Variants in ZNF385D observed in about 807,000 individuals in gnomAD.
The protein encoded by ZNF385D is zinc finger protein 385D.
Under a neutral mutation model 35.8 loss-of-function variants are expected in ZNF385D, and 15 were observed. The observed-to-expected ratio is 0.42, with a 90% CI of 0.28 to 0.64. The LOEUF (loss-of-function observed/expected upper bound fraction) is 0.64, where lower values mean the gene tolerates loss of function less well. Among genes scored for constraint, ZNF385D ranks in the 30% least tolerant of loss-of-function variants. The pLI is 0.23. For missense variants in ZNF385D, 474 were observed against 494.6 expected (o/e 0.96, Z 0.39); for synonymous variants, 212 against 186.8 (o/e 1.13, Z -1.10).
chr3:21,997,825 C>T (rs1156857709), intron 3 of ZNF385D, among the ~76,000 whole-genome samples: 1 of 151,256 alleles, frequency 6.6e-6, no homozygotes, highest in African/African-American at 2.4e-5. Context: ...GAATCTGAAT[C>T]TGGTGGGGTT....
chr3:21,870,600 C>G (rs1473561727), intron 3 of ZNF385D, among the ~76,000 whole-genome samples: 1 of 152,132 alleles, frequency 6.6e-6, no homozygotes, highest in Non-Finnish European at 1.5e-5. Context: ...TGTATGGTAT[C>G]TTAATTTCTA....
intron 3 of ZNF385D, among the ~76,000 whole-genome samples, chr3:21,846,042 A>G (rs1342902515): frequency 1.3e-5 from 2 of 151,994 alleles, no homozygotes; most frequent in Admixed American, 6.6e-5. Context: ...CATACAGAAA[A>G]CATTTCTTCC....
chr3:21,741,224 C>T (rs1370773373), intron 1 of ZNF385D, among the ~76,000 whole-genome samples: 1 of 152,130 alleles, frequency 6.6e-6, no homozygotes, highest in Admixed American at 6.6e-5. Context: ...AGTATTTGTA[C>T]TTATTGATTT....
At chr3:21,590,569 G>A (rs908055815) in intron 2 of ZNF385D, among the ~76,000 whole-genome samples, 3 of 151,982 alleles carry the variant, frequency 2.0e-5, no homozygotes, top group African/African-American at 7.2e-5. Context: ...GAATTACATT[G>A]TTTTTATCTG....
At chr3:22,104,188 C>A (rs182460066) in intron 3 of ZNF385D, among the ~76,000 whole-genome samples, 187 of 152,210 alleles carry the variant, frequency 1.2e-3, no homozygotes, top group African/African-American at 4.3e-3. Flanking sequence ...GCCATTACCT[C>A]CATGATGGAT....
At chr3:21,463,657 G>A (rs1703325876) in intron 4 of ZNF385D, among the ~76,000 whole-genome samples, 1 of 152,018 alleles carries the variant, frequency 6.6e-6, no homozygotes, top group Admixed American at 6.6e-5. Flanking sequence ...CTTGTCCGCT[G>A]ATGCCTACAG....
chr3:21,867,989 A>G (rs1260625325), intron 3 of ZNF385D, among the ~76,000 whole-genome samples: 1 of 152,184 alleles, frequency 6.6e-6, no homozygotes, highest in African/African-American at 2.4e-5. Flanking sequence ...TTAAACAAGA[A>G]ACTGAACCTA....
At chr3:21,590,264 A>G (rs970537265) in intron 2 of ZNF385D, among the ~76,000 whole-genome samples, 1 of 152,190 alleles carries the variant, frequency 6.6e-6, no homozygotes, top group East Asian at 1.9e-4. Flanking sequence ...ATGTTTATGT[A>G]TATGCTATGC....
intron 3 of ZNF385D, among the ~76,000 whole-genome samples, chr3:21,951,135 G>T (rs934649870): frequency 4.6e-5 from 7 of 151,692 alleles, no homozygotes; most frequent in Non-Finnish European, 8.8e-5. Flanking sequence ...ATTACTTTGG[G>T]CAGTATGGCC....
chr3:22,249,461 G>A (rs569402614), intron 2 of ZNF385D, among the ~76,000 whole-genome samples: 66 of 152,140 alleles, frequency 4.3e-4, no homozygotes, highest in Middle Eastern at 6.8e-3. Flanking sequence ...AACCTCCAGC[G>A]TATTCTCCCT....
chr3:21,555,213 TAG>T (rs2062690568), intron 3 of ZNF385D, among the ~76,000 whole-genome samples: 1 of 145,586 alleles, frequency 6.9e-6, no homozygotes, highest in Non-Finnish European at 1.5e-5. Context: ...CAGGCAATTG[TAG>T]TTTTTTTTTT....
intron 3 of ZNF385D, among the ~76,000 whole-genome samples, chr3:21,891,051 C>A (rs949502523): frequency 2.6e-5 from 4 of 152,104 alleles, no homozygotes; most frequent in African/African-American, 7.2e-5. Flanking sequence ...AATAGTTGTA[C>A]AGCAAATTTA....
intron 3 of ZNF385D, among the ~76,000 whole-genome samples, chr3:21,980,725 A>G (rs1004764715): frequency 6.6e-6 from 1 of 151,976 alleles, no homozygotes; most frequent in Non-Finnish European, 1.5e-5. Flanking sequence ...CTTTCTTCCA[A>G]CCTCAACCAG....
At chr3:21,700,818 A>G (rs1466641118) in intron 1 of ZNF385D, among the ~76,000 whole-genome samples, 2 of 152,242 alleles carry the variant, frequency 1.3e-5, no homozygotes, top group African/African-American at 4.8e-5. Flanking sequence ...ATGTACAGGT[A>G]AGACATCCAA....
At chr3:21,611,966 G>T (rs1266312217) in intron 2 of ZNF385D, among the ~76,000 whole-genome samples, 1 of 152,150 alleles carries the variant, frequency 6.6e-6, no homozygotes, top group African/African-American at 2.4e-5. Flanking sequence ...AAAAATGGAT[G>T]CAAAACTGAA....
rs373105142 is a variant in ZNF385D at position 21,684,365 on chromosome 3, CCTCTCTCTCTCTCTCTCT to C, written c.23-19355_23-19338del. Among the ~76,000 whole-genome samples, 17 of 73,380 alleles carry C rather than the reference CCTCTCTCTCTCTCTCTCT, an allele frequency of 2.3e-4. No homozygotes were observed. In the East Asian group the frequency reaches 2.6e-3, roughly 11 times the overall value. The allele number at this position is 73,380 out of a possible 152,430, so 48.1% of individuals were successfully genotyped here. A position where few individuals can be genotyped will look rare whatever the true frequency, so the allele number is the denominator to read the frequency against. On this transcript the variant is annotated intron_variant, in intron 1 of 7. Transcript: ENST00000281523. The stretch of plus-strand genomic sequence containing the variant: ...AAAGCCATAAATGGTTAACTGTTCT[CCTCTCTCTCTCTCTCTCT>C]CTCTCTCTCTCTCTCTCTCTCCTCT...
chr3:22,210,937 T>A (rs952948100), intron 2 of ZNF385D, among the ~76,000 whole-genome samples: 7 of 151,944 alleles, frequency 4.6e-5, no homozygotes, highest in Admixed American at 1.3e-4. Flanking sequence ...CATAATATAC[T>A]CACATGAGTG....
intron 3 of ZNF385D, among the ~76,000 whole-genome samples, chr3:21,980,041 G>A (rs1694339346): frequency 1.3e-5 from 2 of 152,150 alleles, no homozygotes; most frequent in African/African-American, 4.8e-5. Flanking sequence ...TGTGATATCT[G>A]AGCAAGATGG....
At chr3:21,799,205 G>A (rs867278783) in intron 3 of ZNF385D, among the ~76,000 whole-genome samples, 6 of 152,176 alleles carry the variant, frequency 3.9e-5, no homozygotes, top group Admixed American at 2.6e-4. Context: ...TTAAGCAGTT[G>A]ATGGATGTTG....
Sources: gnomAD v4.1 joint callset for allele counts (sites outside exome capture counted in the v4.1 genomes callset) on GRCh38, gnomAD v4.1.1 for gene constraint, MANE v1.5 for transcripts, NCBI Gene and HGNC (gene_info 2026-07-23, HGNC 2026-07-21) for gene names.